The following TMEM161B variants were observed in gnomAD, a reference collection of about 807,000 sequenced individuals.
TMEM161B encodes transmembrane protein 161B.
Under a neutral mutation model 61.8 loss-of-function variants are expected in TMEM161B, and 34 were observed. The ratio of observed to expected loss-of-function variants is 0.55; its 90% CI spans 0.42 to 0.73. The LOEUF (loss-of-function observed/expected upper bound fraction) is 0.73. Among genes scored for constraint, TMEM161B ranks in the 30% least tolerant of loss-of-function variants. The probability of loss-of-function intolerance (pLI) is 0.00; values close to 1 mark genes in which losing one functional copy is unlikely to be tolerated. For missense variants in TMEM161B, 456 were observed against 558.5 expected, an observed-to-expected ratio of 0.82 and a Z score of 1.85; for synonymous variants, 167 against 192.8, an observed-to-expected ratio of 0.87 and a Z score of 1.11.
At position 88,210,563 on chromosome 5, in the gene TMEM161B, G is replaced by A. The variant is rs1020775389; in HGVS notation, c.447-3383C>T. ...TTGCCTCTGAAGAAACTGAACCTGA[G>A]GCACAGAAGAGTTTAGATTTAGTCA... On this transcript the variant is annotated intron_variant, in intron 5 of 11. Coordinates refer to ENST00000296595, the MANE Select transcript of TMEM161B (RefSeq NM_153354.5). Among the ~76,000 whole-genome samples, 5 of 152,266 alleles carry A rather than the reference G, an allele frequency of 3.3e-5. No individual in the cohort carries two copies. In the East Asian group the frequency reaches 7.7e-4, roughly 24 times the overall value.
At chr5:88,248,698 C>G (rs1580684561) in intron 1 of TMEM161B, among the ~76,000 whole-genome samples, 1 of 107,288 alleles carries the variant, frequency 9.3e-6, no homozygotes, top group Non-Finnish European at 1.8e-5. Context: ...AATGGAGAAA[C>G]AATTCAGTCG....
chr5:88,203,164 AG>A, intron 8 of TMEM161B, 89 bp from the exon 9 acceptor site: 3 of 758,826 alleles, frequency 4.0e-6, no homozygotes, highest in Non-Finnish European at 6.7e-6. Context: ...AAATGGAGGT[AG>A]GAGCTTATTT....
intron 1 of TMEM161B, 62 bp downstream of exon 1, chr5:88,268,659 T>C (rs893633754): frequency 1.1e-5 from 17 of 1,612,078 alleles, no homozygotes; most frequent in Admixed American, 1.7e-5. Flanking sequence ...CTTTTCACAG[T>C]ACTGACCTCC....
chr5:88,233,961 T>C (rs949706602), intron 2 of TMEM161B, among the ~76,000 whole-genome samples: 9 of 152,050 alleles, frequency 5.9e-5, no homozygotes, highest in African/African-American at 1.9e-4. Context: ...CACTAGTTAA[T>C]GAGAAAGTGA....
chr5:88,209,718 G>A lies in TMEM161B; in HGVS notation c.447-2538C>T, dbSNP rs143046736. 9.9e-5 allele frequency among the ~76,000 whole-genome samples: 15 copies of A among 152,094 alleles called. No homozygotes were observed. In the South Asian group the frequency reaches 1.0e-3, roughly 11 times the overall value. On this transcript the variant is annotated intron_variant, in intron 5 of 11. Transcript: ENST00000296595. ...TTAGAACACCATCTCCCAATAACCC[G>A]TATGTAATACTATGATCTGGCCACA...
Position 88,213,672 on chromosome 5 carries a change from A to G in TMEM161B, c.447-6492T>C, listed in dbSNP as rs527981360. ...AAAGAGCAAAGTCAGACTCAATTAT[A>G]AATTAATAAACAGAAATAATGTCCT... is the stretch of plus-strand genomic sequence containing the variant. On this transcript the variant is annotated intron_variant, in intron 5 of 11. Coordinates refer to ENST00000296595, the MANE Select transcript of TMEM161B (RefSeq NM_153354.5). Among the ~76,000 whole-genome samples the G allele has an allele frequency of 6.6e-5, 10 of 152,328 alleles. No homozygotes were observed. The South Asian group carries it at 2.1e-3, about 32-fold the overall frequency.
At chr5:88,218,977 T>C (rs1748426806) in intron 5 of TMEM161B, among the ~76,000 whole-genome samples, 4 of 151,988 alleles carry the variant, frequency 2.6e-5, no homozygotes. Context: ...GAGCTCCAAT[T>C]TGAGGGAGAT....
At chr5:88,190,865 T>A (rs1748751423), downstream of TMEM161B, among the ~76,000 whole-genome samples, 1 of 152,232 alleles carries the variant, frequency 6.6e-6, no homozygotes, top group Non-Finnish European at 1.5e-5. Flanking sequence ...TTATAGATTC[T>A]TTTATGGATT....
chr5:88,228,705 T>G (rs1034588881), intron 2 of TMEM161B, among the ~76,000 whole-genome samples, 177 bp from the exon 3 acceptor site: 1 of 152,252 alleles, frequency 6.6e-6, no homozygotes, highest in Non-Finnish European at 1.5e-5. Context: ...TAGATAAACA[T>G]CCAGCAGACA....
chr5:88,203,498 G>A (rs1273744222), intron 8 of TMEM161B, among the ~76,000 whole-genome samples: 1 of 151,654 alleles, frequency 6.6e-6, no homozygotes, highest in Non-Finnish European at 1.5e-5. Context: ...AGAGTCGTCT[G>A]ATACTTTCTA....
At chr5:88,195,039 T>G, downstream of TMEM161B, 2 of 542,344 alleles carry the variant, frequency 3.7e-6, no homozygotes, top group Non-Finnish European at 4.7e-6. Flanking sequence ...AAACAAGTCC[T>G]ATTTAACAAA....
chr5:88,245,316 T>A (rs1424041993), intron 1 of TMEM161B, among the ~76,000 whole-genome samples: 3 of 151,898 alleles, frequency 2.0e-5, no homozygotes, highest in Non-Finnish European at 4.4e-5. Flanking sequence ...TTTCTGTGAG[T>A]TTCTGATAGA....
rs926246536 is a variant in TMEM161B at position 88,189,681 on chromosome 5, C to T, written c.*371G>A. The T allele has an allele frequency of 8.8e-5, 15 of 171,232 alleles. 1 individual carries two copies. In the South Asian group the frequency reaches 1.6e-3, roughly 18 times the overall value. The allele number at this position is 171,232 out of a possible 1,614,324, so 10.6% of individuals were successfully genotyped here. Reference sequence around the variant, plus strand: ...AATTTTTCCTAAAGCCTGTAGCTGTCGCTGTAACTCAATTTCACCTAACTC... The same window carrying T: ...AATTTTTCCTAAAGCCTGTAGCTGTTGCTGTAACTCAATTTCACCTAACTC... On this transcript the variant is annotated 3_prime_UTR_variant, in exon 13 of 13. Coordinates refer to the TMEM161B transcript ENST00000514135.
At chr5:88,192,174 A>G (rs1439019173), downstream of TMEM161B, among the ~76,000 whole-genome samples, 1 of 151,232 alleles carries the variant, frequency 6.6e-6, no homozygotes, top group Non-Finnish European at 1.5e-5. Flanking sequence ...AAGAAAATAA[A>G]TTGTCTTTCC....
At chr5:88,232,015 G>A (rs1032222553) in intron 2 of TMEM161B, among the ~76,000 whole-genome samples, 1 of 151,836 alleles carries the variant, frequency 6.6e-6, no homozygotes, top group Non-Finnish European at 1.5e-5. Flanking sequence ...TTAGTTCTGT[G>A]TGTCATTCCA....
At chr5:88,205,322 T>C (rs2112406379) in intron 8 of TMEM161B, among the ~76,000 whole-genome samples, 1 of 152,298 alleles carries the variant, frequency 6.6e-6, no homozygotes, top group African/African-American at 2.4e-5. Context: ...TGTATTATTT[T>C]AATAAGAGTC....
At chr5:88,191,032 C>T (rs572589248), downstream of TMEM161B, among the ~76,000 whole-genome samples, 2 of 152,260 alleles carry the variant, frequency 1.3e-5, no homozygotes, top group African/African-American at 4.8e-5. Context: ...TAAAATAACA[C>T]AGGCATTCAA....
At chr5:88,203,371 T>C (rs1744782914) in intron 8 of TMEM161B, among the ~76,000 whole-genome samples, 1 of 152,104 alleles carries the variant, frequency 6.6e-6, no homozygotes, top group African/African-American at 2.4e-5. Context: ...TTCAGATTTG[T>C]TCACTTCTAT....
At chr5:88,266,634 C>T (rs1222003997) in intron 1 of TMEM161B, among the ~76,000 whole-genome samples, 1 of 152,168 alleles carries the variant, frequency 6.6e-6, no homozygotes, top group African/African-American at 2.4e-5. Context: ...CCTCTGGGGT[C>T]AATACTAATG....
Sources: allele counts gnomAD v4.1 joint callset (sites outside exome capture counted in the v4.1 genomes callset), GRCh38; gene constraint gnomAD v4.1.1; transcripts MANE v1.5; gene names NCBI Gene and HGNC (gene_info 2026-07-23, HGNC 2026-07-21).